EDA: variants seen among roughly 807,000 people sequenced by gnomAD.
The protein encoded by EDA is ectodysplasin-A.
A neutral mutation model predicts 23.6 loss-of-function variants in EDA; 2 were observed. The ratio of observed to expected loss-of-function variants is 0.08; its 90% CI spans 0.03 to 0.27. The LOEUF is 0.27. Ranked by LOEUF, EDA falls within the 10% of genes least tolerant of loss-of-function variation. The probability of loss-of-function intolerance (pLI) is 1.00; values close to 1 mark genes in which losing one functional copy is unlikely to be tolerated. For missense variants in EDA, 229 were observed against 324.2 expected (o/e 0.71, Z 2.26); for synonymous variants, 131 against 132.0 (o/e 0.99, Z 0.05).
At chrX:69,734,193 T>A (rs1188931345) in intron 1 of EDA, among the ~76,000 whole-genome samples, 1 of 111,739 alleles carries the variant, frequency 8.9e-6, no homozygotes, top group Non-Finnish European at 1.9e-5. Flanking sequence ...AAGAAATTTG[T>A]CCATTTGTCT....
At chrX:69,981,795 A>C (rs187074244) in intron 2 of EDA, among the ~76,000 whole-genome samples, 171 of 112,338 alleles carry the variant, frequency 1.5e-3, no homozygotes, top group African/African-American at 5.5e-3. Flanking sequence ...GCTCAGAAAG[A>C]TTAGGTAATT....
At chrX:69,976,777 G>A (rs953152230) in intron 2 of EDA, among the ~76,000 whole-genome samples, 2 of 109,100 alleles carry the variant, frequency 1.8e-5, no homozygotes, top group African/African-American at 6.7e-5. Context: ...AGGGGGGGTG[G>A]AAAAGGGGTC....
intron 1 of EDA, among the ~76,000 whole-genome samples, chrX:69,659,199 A>G (rs1054416058): frequency 4.4e-5 from 5 of 112,435 alleles, no homozygotes; most frequent in Non-Finnish European, 7.5e-5. Flanking sequence ...TTAATTTTCT[A>G]AAAGTATTTC....
Position 69,616,929 on chromosome X carries a change from G to T in EDA, c.396+225G>T, listed in dbSNP as rs544130731. ...GGGACCCCTTGACTTGGAAAGTCTC[G>T]CGCGCGCCCGCGGCCCCTGGCTGCG... On this transcript the variant is annotated intron_variant, in intron 1 of 7. Transcript: ENST00000374552. 229 of 453,540 alleles carry T rather than the reference G, an allele frequency of 5.0e-4. No individual in the cohort carries two copies. The African/African-American group carries it at 5.2e-3, about 10-fold the overall frequency. 37.4% of individuals were successfully genotyped at this position (453,540 alleles called of 1,213,427 possible).
At chrX:69,711,186 A>G (rs2012007947) in intron 1 of EDA, among the ~76,000 whole-genome samples, 1 of 111,343 alleles carries the variant, frequency 9.0e-6, no homozygotes, top group African/African-American at 3.3e-5. Context: ...TAACTTATTG[A>G]GAGTTTTTAG....
intron 1 of EDA, among the ~76,000 whole-genome samples, chrX:69,837,142 G>C (rs754404950): frequency 9.0e-6 from 1 of 111,432 alleles, no homozygotes; most frequent in Admixed American, 9.5e-5. Context: ...GGTAAAACCT[G>C]GCATATCTTC....
chrX:69,710,453 G>T lies in EDA; in HGVS notation c.396+93749G>T, dbSNP rs1422242913. On this transcript the variant is annotated intron_variant, in intron 1 of 7. Transcript: ENST00000374552. ...GTGATGCCTCCAGCTTTGTTCTTTT[G>T]GCGTAGGATTGACTTGGCAATGCGG... is the stretch of plus-strand genomic sequence containing the variant. Among the ~76,000 whole-genome samples the T allele has an allele frequency of 2.7e-5, 3 of 111,291 alleles. No individual in the cohort carries two copies. The East Asian group carries it at 8.5e-4, about 31-fold the overall frequency.
intron 1 of EDA, among the ~76,000 whole-genome samples, chrX:69,893,279 A>G: frequency 9.0e-6 from 1 of 111,393 alleles, no homozygotes; most frequent in Middle Eastern, 4.6e-3. Flanking sequence ...TTTGGGGCCC[A>G]CCCTAAATCC....
At position 69,829,984 on chromosome X, in the gene EDA, C is replaced by A. The variant is rs779395750; in HGVS notation, c.397-127043C>A. On this transcript the variant is annotated intron_variant, in intron 1 of 7. Coordinates refer to ENST00000374552, the MANE Select transcript of EDA (RefSeq NM_001399.5). ...CCATTACCTTATTTTCTATATTTGACAGTATTGTCTAATGTATTTTGGGCA... is the reference window on the plus strand; with the variant it reads ...CCATTACCTTATTTTCTATATTTGAAAGTATTGTCTAATGTATTTTGGGCA... Among the ~76,000 whole-genome samples, 9 of 111,627 alleles carry A rather than the reference C, an allele frequency of 8.1e-5. No homozygotes were observed. The South Asian group carries it at 3.4e-3, about 42-fold the overall frequency.
intron 1 of EDA, among the ~76,000 whole-genome samples, chrX:69,745,974 G>A (rs185659274): frequency 2.7e-5 from 3 of 111,397 alleles, no homozygotes; most frequent in East Asian, 2.8e-4. Flanking sequence ...GTGACAGAGC[G>A]AGCCTCCGTC....
At chrX:69,956,329 C>T in intron 1 of EDA, among the ~76,000 whole-genome samples, 1 of 87,097 alleles carries the variant, frequency 1.1e-5, no homozygotes, top group Non-Finnish European at 2.3e-5. Context: ...CTTTCTCTTT[C>T]TCTTTCTTTC....
intron 1 of EDA, among the ~76,000 whole-genome samples, chrX:69,942,519 T>G (rs891577362): frequency 3.7e-4 from 41 of 111,290 alleles, no homozygotes; most frequent in African/African-American, 1.3e-3. Flanking sequence ...GTCATGCCAC[T>G]CTCTTCTAGC....
intron 1 of EDA, among the ~76,000 whole-genome samples, chrX:69,780,216 T>C (rs2014902956): frequency 9.0e-6 from 1 of 111,382 alleles, no homozygotes; most frequent in Admixed American, 9.6e-5. Context: ...ATGTTGTATA[T>C]GTATATAAAT....
chrX:69,956,951 A>G (rs993220943), intron 1 of EDA, 76 bp from the exon 2 acceptor site: 212 of 934,233 alleles, frequency 2.3e-4, no homozygotes, highest in Admixed American at 1.3e-3. Context: ...TAGACTGTCT[A>G]TGGAAAGCTG....
chrX:69,820,219 G>A (rs755965738), intron 1 of EDA, among the ~76,000 whole-genome samples: 27 of 111,545 alleles, frequency 2.4e-4, no homozygotes, highest in African/African-American at 8.1e-4. Flanking sequence ...AGACCCCTTC[G>A]TTACACCATA....
chrX:69,709,443 C>T (rs1339563599), intron 1 of EDA, among the ~76,000 whole-genome samples: 2 of 111,860 alleles, frequency 1.8e-5, no homozygotes, highest in Non-Finnish European at 3.8e-5. Flanking sequence ...TCTCTCAGCT[C>T]TAATGTGGCA....
rs1022217555 is a variant in EDA, at chrX:69,853,506, T to C, written c.397-103521T>C. ...AGGATGACTGAAATTTTCCCAAAAT[T>C]GATGAACAGTACCCAATTTAGGATT... On this transcript the variant is annotated intron_variant, in intron 1 of 7. Coordinates refer to ENST00000374552, the MANE Select transcript of EDA (RefSeq NM_001399.5). Among the ~76,000 whole-genome samples, 4 of 111,758 alleles carry C rather than the reference T, an allele frequency of 3.6e-5. 1 individual carries two copies. Among genetic ancestry groups the C allele is most frequent in the African/African-American group, 9.7e-5 (3 of 30,787 alleles).
intron 1 of EDA, among the ~76,000 whole-genome samples, chrX:69,698,552 G>T (rs180967761): frequency 5.6e-4 from 63 of 111,839 alleles, no homozygotes; most frequent in African/African-American, 1.9e-3. Flanking sequence ...TCAGAGTCTG[G>T]TAAGGGTGGA....
chrX:69,811,459 A>G lies in EDA; in HGVS notation c.397-145568A>G, dbSNP rs758366083. Among the ~76,000 whole-genome samples the G allele has an allele frequency of 5.3e-5, 6 of 112,428 alleles. No individual in the cohort carries two copies. In the Admixed American group the frequency reaches 5.6e-4, roughly 11 times the overall value. On this transcript the variant is annotated intron_variant, in intron 1 of 7. Transcript: ENST00000374552. ...AGTCTTGGTAGGAGTTGGCATATGC[A>G]GTACAGCACAGCACAACTCATAGTG... is the stretch of plus-strand genomic sequence containing the variant.
Sources: gnomAD v4.1 joint callset for allele counts (sites outside exome capture counted in the v4.1 genomes callset) on GRCh38, gnomAD v4.1.1 for gene constraint, MANE v1.5 for transcripts, NCBI Gene and HGNC (gene_info 2026-07-23, HGNC 2026-07-21) for gene names.